SHISA9: variants seen among roughly 807,000 people sequenced by gnomAD.
The protein encoded by SHISA9 is shisa family member 9.
In SHISA9, 13 loss-of-function variants were observed where a neutral mutation model predicts 38.0. That is an observed-to-expected ratio of 0.34 (90% CI 0.22 to 0.54). SHISA9 has a LOEUF of 0.54. SHISA9 is among the 20% of genes least tolerant of loss of function. The pLI, the probability that SHISA9 is intolerant of heterozygous loss-of-function variation, is 0.91. For missense variants in SHISA9, 538 were observed against 575.8 expected (o/e 0.93, Z 0.67); for synonymous variants, 275 against 242.0 (o/e 1.14, Z -1.27).
the SHISA9 span, among the ~76,000 whole-genome samples, chr16:13,408,371 G>C: frequency 2.6e-5 from 4 of 152,072 alleles, no homozygotes. Flanking sequence ...ACATCATAAA[G>C]CATTTTTAAA....
chr16:13,500,048 C>A, the SHISA9 span, among the ~76,000 whole-genome samples: 372 of 152,192 alleles, frequency 2.4e-3, no homozygotes, highest in Non-Finnish European at 4.4e-3. Flanking sequence ...TTGGCTGTGT[C>A]CCCACCCAAA....
intron 2 of SHISA9, among the ~76,000 whole-genome samples, chr16:12,945,334 T>G (rs2071674896): frequency 6.6e-6 from 1 of 152,206 alleles, no homozygotes; most frequent in Non-Finnish European, 1.5e-5. Context: ...CCACTCTGAA[T>G]GCCAATAGAC....
intron 2 of SHISA9, 109 bp from the exon 3 acceptor site, chr16:13,203,285 G>A (rs527361255): frequency 8.4e-5 from 93 of 1,107,650 alleles, no homozygotes; most frequent in Admixed American, 7.3e-4. Context: ...TGCGACTTGC[G>A]TCCCTAAAGG....
chr16:13,122,265 C>T (rs1596662900), intron 2 of SHISA9, among the ~76,000 whole-genome samples: 1 of 152,336 alleles, frequency 6.6e-6, no homozygotes, highest in East Asian at 1.9e-4. Context: ...TGCTGCTGCT[C>T]AGCCAAGGTT....
intron 2 of SHISA9, among the ~76,000 whole-genome samples, chr16:13,145,451 C>G (rs1017039711): frequency 6.6e-6 from 1 of 152,122 alleles, no homozygotes; most frequent in East Asian, 1.9e-4. Flanking sequence ...TGCTTGAACC[C>G]GGGAGGCGGG....
chr16:13,312,899 G>C, the SHISA9 span, among the ~76,000 whole-genome samples: 5 of 152,130 alleles, frequency 3.3e-5, no homozygotes, highest in East Asian at 7.7e-4. Flanking sequence ...AAAAATTATA[G>C]CTAACAGAAG....
the SHISA9 span, among the ~76,000 whole-genome samples, chr16:13,428,715 G>C: frequency 6.6e-6 from 1 of 152,058 alleles, no homozygotes; most frequent in East Asian, 1.9e-4. Context: ...TATATCCTGA[G>C]ACTAGTGGTG....
chr16:13,321,318 C>T, the SHISA9 span, among the ~76,000 whole-genome samples: 3 of 152,146 alleles, frequency 2.0e-5, no homozygotes, highest in East Asian at 1.9e-4. Flanking sequence ...AACACAGAGC[C>T]GGTGACAAAT....
chr16:13,134,997 G>C (rs1436015668), intron 2 of SHISA9, among the ~76,000 whole-genome samples: 2 of 152,102 alleles, frequency 1.3e-5, no homozygotes, highest in Non-Finnish European at 2.9e-5. Context: ...AGATCTTATT[G>C]GCCAATGCGA....
At chr16:13,113,965 C>T (rs2141970063) in intron 2 of SHISA9, among the ~76,000 whole-genome samples, 1 of 152,218 alleles carries the variant, frequency 6.6e-6, no homozygotes, top group African/African-American at 2.4e-5. Flanking sequence ...AAGCGCTTAC[C>T]ATGGACATGC....
chr16:13,287,878 C>T, the SHISA9 span, among the ~76,000 whole-genome samples: 5 of 152,086 alleles, frequency 3.3e-5, no homozygotes, highest in African/African-American at 7.2e-5. Context: ...TAGAATCTGG[C>T]GAGTGTTTTC....
intron 2 of SHISA9, among the ~76,000 whole-genome samples, chr16:13,112,795 T>C (rs1435024118): frequency 6.6e-6 from 1 of 152,126 alleles, no homozygotes; most frequent in South Asian, 2.1e-4. Flanking sequence ...TGGCTCCCAC[T>C]CGCCTTTGTG....
chr16:12,961,366 C>A (rs185500930), intron 2 of SHISA9, among the ~76,000 whole-genome samples: 1 of 152,084 alleles, frequency 6.6e-6, no homozygotes, highest in African/African-American at 2.4e-5. Context: ...TTCTTGACGG[C>A]AATGGAGATC....
the SHISA9 span, among the ~76,000 whole-genome samples, chr16:13,528,935 C>G: frequency 1.7e-3 from 260 of 152,160 alleles, 2 homozygotes; most frequent in Admixed American, 3.1e-3. Flanking sequence ...ATTTGATGAC[C>G]CTGTGAAACT....
At chr16:13,176,697 G>GT (rs999936256) in intron 2 of SHISA9, among the ~76,000 whole-genome samples, 173 of 149,174 alleles carry the variant, frequency 1.2e-3, no homozygotes, top group Middle Eastern at 3.5e-3. Flanking sequence ...ACTCACCACT[G>GT]TTTTTTTTTT....
At chr16:13,018,327 G>A (rs1173119318) in intron 2 of SHISA9, among the ~76,000 whole-genome samples, 1 of 152,222 alleles carries the variant, frequency 6.6e-6, no homozygotes, top group Non-Finnish European at 1.5e-5. Flanking sequence ...CTAGTCTCAC[G>A]CAGGTTGGCC....
the SHISA9 span, among the ~76,000 whole-genome samples, chr16:13,411,240 A>G: frequency 6.6e-6 from 1 of 152,230 alleles, no homozygotes; most frequent in Admixed American, 6.5e-5. Flanking sequence ...ACAGCACTAC[A>G]TAAAAGAAAA....
chr16:12,946,376 A>G (rs1360691350), intron 2 of SHISA9, among the ~76,000 whole-genome samples: 1 of 152,218 alleles, frequency 6.6e-6, no homozygotes, highest in East Asian at 1.9e-4. Flanking sequence ...GGAACCAAGT[A>G]AAAAGACAAT....
At chr16:13,071,606 C>CCTTCCTTCT in intron 2 of SHISA9, among the ~76,000 whole-genome samples, 1 of 122,144 alleles carries the variant, frequency 8.2e-6, no homozygotes, top group Admixed American at 9.4e-5. Context: ...CCTTCCCTTT[C>CCTTCCTTCT]TTCCCTTCCT....
Sources: allele counts gnomAD v4.1 joint callset (sites outside exome capture counted in the v4.1 genomes callset), GRCh38; gene constraint gnomAD v4.1.1; transcripts MANE v1.5; gene names NCBI Gene and HGNC (gene_info 2026-07-23, HGNC 2026-07-21).